The following KCNT2 variants were observed in gnomAD, a reference collection of about 807,000 sequenced individuals.
KCNT2 encodes potassium sodium-activated channel subfamily T member 2, also known as potassium channel subfamily T member 2.
Under a neutral mutation model 153.8 loss-of-function variants are expected in KCNT2, and 67 were observed. The observed-to-expected ratio is 0.44, with a 90% confidence interval of 0.36 to 0.53. The LOEUF (loss-of-function observed/expected upper bound fraction) is 0.53, where lower values mean the gene tolerates loss of function less well. Among genes scored for constraint, KCNT2 ranks in the 20% least tolerant of loss-of-function variants. The pLI is 0.00. For synonymous variants in KCNT2, 500 were observed against 458.8 expected (o/e 1.09, Z -1.15); for missense variants, 975 against 1,354.8 (o/e 0.72, Z 4.40).
intron 26 of KCNT2, among the ~76,000 whole-genome samples, chr1:196,243,670 G>C (rs1051828082): frequency 1.4e-4 from 22 of 152,212 alleles, no homozygotes; most frequent in African/African-American, 5.3e-4. Context: ...GAGAAGAACT[G>C]CCTATTCCAG....
chr1:196,431,307 C>A (rs74940900), intron 8 of KCNT2, among the ~76,000 whole-genome samples: 2,467 of 152,082 alleles, frequency 0.016, 30 homozygotes, highest in Non-Finnish European at 0.027. Context: ...AATGTGGAAG[C>A]AGCTTTGGAA....
At chr1:196,431,564 GC>G (rs1674153132) in intron 8 of KCNT2, among the ~76,000 whole-genome samples, 1 of 152,044 alleles carries the variant, frequency 6.6e-6, no homozygotes, top group South Asian at 2.1e-4. Context: ...GGAGGAAAAG[GC>G]ATCCTTATTA....
At chr1:196,401,730 T>C (rs1360733576) in intron 12 of KCNT2, among the ~76,000 whole-genome samples, 1 of 151,518 alleles carries the variant, frequency 6.6e-6, no homozygotes, top group African/African-American at 2.4e-5. Context: ...ATAATTGAAT[T>C]CCCAAAAAGA....
intron 8 of KCNT2, among the ~76,000 whole-genome samples, chr1:196,458,243 T>A (rs964442149): frequency 6.6e-6 from 1 of 151,792 alleles, no homozygotes; most frequent in African/African-American, 2.4e-5. Context: ...AGAATATATT[T>A]CAAATATAAA....
chr1:196,378,604 G>A (rs1669173868), intron 13 of KCNT2, among the ~76,000 whole-genome samples: 1 of 151,206 alleles, frequency 6.6e-6, no homozygotes, highest in Non-Finnish European at 1.5e-5. Flanking sequence ...GGGGGAGAGA[G>A]TAGTTTTAAC....
intron 22 of KCNT2, among the ~76,000 whole-genome samples, chr1:196,298,546 C>T (rs1660885056): frequency 1.3e-5 from 2 of 152,092 alleles, no homozygotes; most frequent in South Asian, 4.1e-4. Flanking sequence ...CCCATTCTCT[C>T]AGGACGTCAA....
intron 13 of KCNT2, among the ~76,000 whole-genome samples, chr1:196,386,770 C>T (rs901930815): frequency 1.3e-5 from 2 of 151,982 alleles, no homozygotes; most frequent in African/African-American, 4.8e-5. Flanking sequence ...TAGCTATTGA[C>T]AGATTTATCA....
At chr1:196,418,804 C>T (rs565399628) in intron 12 of KCNT2, among the ~76,000 whole-genome samples, 1 of 152,204 alleles carries the variant, frequency 6.6e-6, no homozygotes, top group South Asian at 2.1e-4. Context: ...GGAGTTAGGG[C>T]TCCAACAAGT....
chr1:196,563,438 CAAAAAAA>C (rs1157847804), intron 1 of KCNT2, among the ~76,000 whole-genome samples: 12 of 59,306 alleles, frequency 2.0e-4, no homozygotes, highest in Non-Finnish European at 3.5e-4. Context: ...TCCCCAATAA[CAAAAAAA>C]AAAAAGAAAA....
intron 8 of KCNT2, among the ~76,000 whole-genome samples, chr1:196,438,493 G>A (rs555669948): frequency 2.0e-4 from 30 of 151,946 alleles, no homozygotes; most frequent in Non-Finnish European, 2.8e-4. Flanking sequence ...TCCAAAAAAA[G>A]AAGAGTTAGG....
chr1:196,446,592 T>C (rs567958107), intron 8 of KCNT2, among the ~76,000 whole-genome samples: 1 of 151,524 alleles, frequency 6.6e-6, no homozygotes, highest in Non-Finnish European at 1.5e-5. Context: ...CCCAACTTTG[T>C]GGAAGTTAAA....
At chr1:196,377,793 C>T (rs571373167) in intron 13 of KCNT2, among the ~76,000 whole-genome samples, 9 of 152,070 alleles carry the variant, frequency 5.9e-5, no homozygotes, top group African/African-American at 1.9e-4. Context: ...GATGACATTC[C>T]CTTTCAGAGC....
At chr1:196,496,287 G>C (rs538053032) in intron 1 of KCNT2, among the ~76,000 whole-genome samples, 1 of 152,050 alleles carries the variant, frequency 6.6e-6, no homozygotes, top group South Asian at 2.1e-4. Flanking sequence ...GGCTAACATG[G>C]TGAAACCCCA....
chr1:196,290,899 C>T (rs1924757), intron 22 of KCNT2, among the ~76,000 whole-genome samples: 47,208 of 151,716 alleles, frequency 0.31, 11,665 homozygotes, highest in African/African-American at 0.69. Context: ...TCTGACGATG[C>T]CACCTCCCCC....
chr1:196,509,267 GAA>G (rs78796952), intron 1 of KCNT2, among the ~76,000 whole-genome samples: 6 of 77,598 alleles, frequency 7.7e-5, no homozygotes, highest in African/African-American at 9.7e-5. Flanking sequence ...GCGAAACTCC[GAA>G]AAAAAAAAAA....
intron 25 of KCNT2, among the ~76,000 whole-genome samples, chr1:196,276,351 T>A (rs113467277): frequency 0.049 from 7,528 of 152,120 alleles, 280 homozygotes; most frequent in Non-Finnish European, 0.071. Flanking sequence ...AGTAATTGCT[T>A]TATTGTATTA....
At chr1:196,378,067 C>T (rs1448616773) in intron 13 of KCNT2, among the ~76,000 whole-genome samples, 1 of 152,074 alleles carries the variant, frequency 6.6e-6, no homozygotes, top group Non-Finnish European at 1.5e-5. Flanking sequence ...CGAATTTCAA[C>T]TTCAAGAGTG....
At chr1:196,264,142 C>A (rs1657293785) in intron 25 of KCNT2, among the ~76,000 whole-genome samples, 1 of 152,004 alleles carries the variant, frequency 6.6e-6, no homozygotes, top group African/African-American at 2.4e-5. Flanking sequence ...TTTCCTATTG[C>A]TTTAAGCACA....
intron 8 of KCNT2, among the ~76,000 whole-genome samples, chr1:196,460,962 T>C (rs538231556): frequency 6.6e-6 from 1 of 151,846 alleles, no homozygotes; most frequent in South Asian, 2.1e-4. Context: ...AGAAAGTTGT[T>C]AGTCAATTGC....
Sources: gnomAD v4.1 joint callset for allele counts (sites outside exome capture counted in the v4.1 genomes callset) on GRCh38, gnomAD v4.1.1 for gene constraint, MANE v1.5 for transcripts, NCBI Gene and HGNC (gene_info 2026-07-23, HGNC 2026-07-21) for gene names.